Variants in SHANK2 observed in about 807,000 individuals in gnomAD.
SHANK2 encodes the protein SH3 and multiple ankyrin repeat domains 2.
In SHANK2, 43 loss-of-function variants were observed where a neutral mutation model predicts 133.7. The observed-to-expected ratio is 0.32, with a 90% CI of 0.25 to 0.41. The LOEUF (loss-of-function observed/expected upper bound fraction) is 0.41. Ranked by LOEUF, SHANK2 falls within the 10% of genes least tolerant of loss-of-function variation. SHANK2 has a pLI of 1.00. For synonymous variants in SHANK2, 1,017 were observed against 952.8 expected, an observed-to-expected ratio of 1.07 and a Z score of -1.24; for missense variants, 1,994 against 2,235.8, an observed-to-expected ratio of 0.89 and a Z score of 2.18.
Position 70,490,353 on chromosome 11 carries a change from G to C in SHANK2, c.2474C>G (p.Thr825Arg), listed in dbSNP as rs782271440. 1 of 1,614,230 alleles carries C rather than the reference G, an allele frequency of 6.2e-7. No individual in the cohort carries two copies. Among genetic ancestry groups the C allele is most frequent in the East Asian group, 2.2e-5 (1 of 44,888 alleles). ...TTTTGGGCTCCCAGGAACAGTGGGCGTCATCACGGCGATTCCTTGGCGTTC... is the reference window on the plus strand; with the variant it reads ...TTTTGGGCTCCCAGGAACAGTGGGCCTCATCACGGCGATTCCTTGGCGTTC... The part of the protein sequence containing the change: ...VYERQGIAVM[T>R]PTVPGSPKAP... The change falls in exon 23 of 26, where the codon ACG becomes AGG. Residue 825 changes from threonine (T) to arginine (R), a missense_variant. This residue lies in a region of SHANK2 where 488 missense variants were observed against 642.6 expected (regional missense o/e 0.76). Transcript: ENST00000601538.
At chr11:70,523,731 CAG>C (rs1159766801) in intron 17 of SHANK2, among the ~76,000 whole-genome samples, 3 of 152,174 alleles carry the variant, frequency 2.0e-5, no homozygotes, top group Non-Finnish European at 2.9e-5. Flanking sequence ...GTGCACGAAT[CAG>C]GGGCTGTACG....
At chr11:70,496,555 A>AT (rs2058973505) in intron 21 of SHANK2, among the ~76,000 whole-genome samples, 1 of 152,214 alleles carries the variant, frequency 6.6e-6, no homozygotes, top group Admixed American at 6.5e-5. Flanking sequence ...GCCGTCCCTG[A>AT]ATCTGGTGGA....
chr11:71,109,801 G>A, intron 6 of SHANK2, 140 bp downstream of exon 6: 2 of 671,442 alleles, frequency 3.0e-6, no homozygotes, highest in South Asian at 1.6e-5. Flanking sequence ...AGACAGAGGA[G>A]AGTGAGAATG....
intron 14 of SHANK2, among the ~76,000 whole-genome samples, chr11:70,702,271 CCATCAT>C (rs199995948): frequency 6.6e-6 from 1 of 151,160 alleles, no homozygotes; most frequent in African/African-American, 2.4e-5. Context: ...ATCATCACCA[CCATCAT>C]CATCATCACC....
chr11:71,093,247 G>A (rs1555094562), intron 7 of SHANK2, among the ~76,000 whole-genome samples: 3 of 152,190 alleles, frequency 2.0e-5, no homozygotes, highest in Non-Finnish European at 4.4e-5. Flanking sequence ...AACATTTGCG[G>A]AAGAGAGAAA....
intron 10 of SHANK2, chr11:70,948,411 T>A (rs1555085877): frequency 6.6e-6 from 3 of 456,654 alleles, no homozygotes; most frequent in Non-Finnish European, 1.3e-5. Flanking sequence ...GTGGAAATAA[T>A]GAATTCGATC....
chr11:70,743,162 C>T (rs1028404231), intron 14 of SHANK2, among the ~76,000 whole-genome samples: 2 of 152,270 alleles, frequency 1.3e-5, no homozygotes, highest in South Asian at 2.1e-4. Flanking sequence ...GCAGAATGAT[C>T]GATAACAGCA....
rs1211923518 is a variant in SHANK2, at chr11:70,804,302, C to T, written c.1663+2700G>A. 1.3e-5 allele frequency among the ~76,000 whole-genome samples: 2 copies of T among 152,190 alleles called. No individual in the cohort carries two copies. The highest frequency in any genetic ancestry group is 2.9e-5 in the Non-Finnish European group (2 of 68,014). On this transcript the variant is annotated intron_variant, in intron 13 of 25. Coordinates refer to ENST00000601538, the MANE Select transcript of SHANK2 (RefSeq NM_012309.5). The surrounding 1 kb of genome is among the most constrained non-coding windows in gnomAD (Gnocchi z 4.1). ...CATGCAGGCAGCAAGGATGTGCGGG[C>T]CACCCCACGATGGGGAGGAGGCACC...
At chr11:71,164,457 CCA>C (rs782219834) in intron 2 of SHANK2, among the ~76,000 whole-genome samples, 5 of 152,154 alleles carry the variant, frequency 3.3e-5, no homozygotes, top group African/African-American at 4.8e-5. Flanking sequence ...CCAGCGGGCC[CCA>C]GTGTCCCCAG....
Position 71,186,080 on chromosome 11 carries a change from G to A in SHANK2, c.-13+38617C>T, listed in dbSNP as rs577289251. On this transcript the variant is annotated intron_variant, in intron 2 of 25. Transcript: ENST00000601538. ...CATTCACCACGATGGAAAATACACT[G>A]GTACAGTGACGCCCCAAAAGTGTGA... Among the ~76,000 whole-genome samples, 7 of 152,288 alleles carry A rather than the reference G, an allele frequency of 4.6e-5. No individual in the cohort carries two copies. In the East Asian group the frequency reaches 1.4e-3, roughly 29 times the overall value.
chr11:70,935,356 C>T lies in SHANK2; in HGVS notation c.1108-38789G>A, dbSNP rs543262018. 3.3e-5 allele frequency among the ~76,000 whole-genome samples: 5 copies of T among 152,262 alleles called. No individual in the cohort carries two copies. The East Asian group carries it at 9.7e-4, about 29-fold the overall frequency. ...CCCAGGTCCTGAAACACAGCCCACA[C>T]AGGTAAGAGGGGTCTGCTACAGTCT... On this transcript the variant is annotated intron_variant, in intron 10 of 25. Transcript: ENST00000601538.
intron 9 of SHANK2, among the ~76,000 whole-genome samples, chr11:71,069,354 AC>A (rs1951111909): frequency 6.6e-6 from 1 of 151,746 alleles, no homozygotes; most frequent in African/African-American, 2.4e-5. Context: ...CATCATTGCC[AC>A]CACCACCATC....
chr11:71,114,960 C>T (rs1417770451), intron 4 of SHANK2, among the ~76,000 whole-genome samples: 1 of 152,116 alleles, frequency 6.6e-6, no homozygotes, highest in Admixed American at 6.5e-5. Context: ...GAGTCACAAA[C>T]ATTTATAGCC....
At chr11:70,816,203 C>T (rs1948392596) in intron 12 of SHANK2, among the ~76,000 whole-genome samples, 1 of 152,252 alleles carries the variant, frequency 6.6e-6, no homozygotes, top group African/African-American at 2.4e-5. Flanking sequence ...CCACTTAATC[C>T]ACCCAGCACA....
chr11:70,552,432 G>A (rs1350544165), intron 17 of SHANK2, among the ~76,000 whole-genome samples: 1 of 152,210 alleles, frequency 6.6e-6, no homozygotes, highest in Admixed American at 6.5e-5. Flanking sequence ...ATGTCACAGC[G>A]AGTCATTTAT....
At chr11:70,737,915 G>A (rs1946438188) in intron 14 of SHANK2, among the ~76,000 whole-genome samples, 1 of 152,244 alleles carries the variant, frequency 6.6e-6, no homozygotes, top group Non-Finnish European at 1.5e-5. Flanking sequence ...GAGCATGTGT[G>A]ACAATGACAA....
chr11:70,673,461 T>C (rs1944853235), intron 15 of SHANK2, among the ~76,000 whole-genome samples: 1 of 152,188 alleles, frequency 6.6e-6, no homozygotes, highest in Non-Finnish European at 1.5e-5. Flanking sequence ...TGGCGGGCCA[T>C]GGGACAGGCC....
At chr11:70,953,217 C>A (rs1319150551) in intron 10 of SHANK2, among the ~76,000 whole-genome samples, 6 of 151,994 alleles carry the variant, frequency 3.9e-5, no homozygotes, top group Non-Finnish European at 5.9e-5. Flanking sequence ...GGGGGTGGAT[C>A]CCTCATGAAC....
At chr11:70,491,557 A>G (rs1555155840) in intron 22 of SHANK2, among the ~76,000 whole-genome samples, 2 of 152,252 alleles carry the variant, frequency 1.3e-5, no homozygotes, top group African/African-American at 4.8e-5. Flanking sequence ...TAATATTTAT[A>G]GGTGTTATTG....
Sources: gnomAD v4.1 joint callset for allele counts (sites outside exome capture counted in the v4.1 genomes callset) on GRCh38, gnomAD v4.1.1 for gene constraint, gnomAD v4.1.1 regional missense constraint, Gnocchi (gnomAD v3.1) non-coding constraint, MANE v1.5 for transcripts, NCBI Gene and HGNC (gene_info 2026-07-23, HGNC 2026-07-21) for gene names.